OSBP: variants seen among roughly 807,000 people sequenced by gnomAD.
OSBP encodes oxysterol-binding protein 1.
A neutral mutation model predicts 96.6 loss-of-function variants in OSBP; 32 were observed. That is an observed-to-expected ratio of 0.33 (90% CI 0.25 to 0.45). The LOEUF (loss-of-function observed/expected upper bound fraction) is 0.45, where lower values mean the gene tolerates loss of function less well. Among genes scored for constraint, OSBP ranks in the 20% least tolerant of loss-of-function variants. The pLI, the probability that OSBP is intolerant of heterozygous loss-of-function variation, is 1.00. For missense variants in OSBP, 653 were observed against 1,029.7 expected (o/e 0.63, Z 5.01); for synonymous variants, 369 against 389.6 (o/e 0.95, Z 0.62).
At chr11:59,601,115 C>CG (rs1860718768) in intron 5 of OSBP, among the ~76,000 whole-genome samples, 168 bp downstream of exon 5, 1 of 113,876 alleles carries the variant, frequency 8.8e-6, no homozygotes, top group East Asian at 2.7e-4. Flanking sequence ...GATCTTGAGA[C>CG]AAAAAAAAAA....
At chr11:59,584,341 G>C (rs1319251148) in intron 9 of OSBP, among the ~76,000 whole-genome samples, 1 of 152,110 alleles carries the variant, frequency 6.6e-6, no homozygotes, top group African/African-American at 2.4e-5. Flanking sequence ...AAAACCCAAA[G>C]CTACAGACCA....
chr11:59,587,488 C>A (rs768924953), intron 9 of OSBP, among the ~76,000 whole-genome samples: 1 of 148,214 alleles, frequency 6.7e-6, no homozygotes, highest in Non-Finnish European at 1.5e-5. Context: ...GATGACAGTG[C>A]GAGACTCCAT....
intron 2 of OSBP, among the ~76,000 whole-genome samples, chr11:59,609,178 C>T (rs1169971269): frequency 6.6e-6 from 1 of 152,128 alleles, no homozygotes; most frequent in Non-Finnish European, 1.5e-5. Context: ...TTTGCAACTC[C>T]ACTATCATCT....
intron 11 of OSBP, among the ~76,000 whole-genome samples, chr11:59,579,244 T>TC (rs147978730): frequency 0.027 from 4,141 of 152,066 alleles, 184 homozygotes; most frequent in African/African-American, 0.094. Flanking sequence ...ATCACACAAC[T>TC]CCCCCTCAAA....
chr11:59,607,491 G>T (rs1860794740), intron 3 of OSBP, among the ~76,000 whole-genome samples: 1 of 152,090 alleles, frequency 6.6e-6, no homozygotes, highest in African/African-American at 2.4e-5. Context: ...AAGTAAGAAA[G>T]GGGTTAAATG....
At position 59,594,046 on chromosome 11, in the gene OSBP, T is replaced by C; in HGVS notation, c.1521A>G (p.Arg507=). 1.9e-6 allele frequency: 3 copies of C among 1,614,112 alleles called. No homozygotes were observed. Among genetic ancestry groups the C allele is most frequent in the Non-Finnish European group, 2.5e-6 (3 of 1,180,010 alleles). ...GGGATCGGTACCCATTCTCCTCTAA[T>C]CGGTCCAGCTCAAAGGTCTCCCCAA... ...PLLGETFELD[R]LEENGYRSLC... Residue 507 remains arginine (R), a synonymous_variant, in exon 8 of 14, where the codon CGA becomes CGG. Coordinates refer to ENST00000263847, the MANE Select transcript of OSBP (RefSeq NM_002556.3).
chr11:59,576,926 G>C lies in OSBP; in HGVS notation c.2160C>G (p.Asp720Glu). ...AGCGTCCATTTTCCATCAGTCTCTG[G>C]TCAGGTCGTAACCGGCTGTCTGTGG... is the stretch of plus-strand genomic sequence containing the variant. ...TAPTDSRLRPDQRLMENGRWD... is the reference protein window; with the variant it reads ...TAPTDSRLRPEQRLMENGRWD... Residue 720 changes from aspartate (D) to glutamate (E), a missense_variant, in exon 13 of 14, where the codon GAC becomes GAG. Asp to Glu is a conservative substitution (Grantham distance 45). Coordinates refer to ENST00000263847, the MANE Select transcript of OSBP (RefSeq NM_002556.3). 6.2e-7 allele frequency: 1 copy of C among 1,614,148 alleles called. No individual in the cohort carries two copies. Among genetic ancestry groups the C allele is most frequent in the Non-Finnish European group, 8.5e-7 (1 of 1,180,046 alleles).
chr11:59,611,135 C>CAAAAAA (rs35074206), intron 1 of OSBP, among the ~76,000 whole-genome samples: 1 of 60,076 alleles, frequency 1.7e-5, no homozygotes, highest in African/African-American at 4.9e-5. Flanking sequence ...AACTCCGTCT[C>CAAAAAA]AAAAAAAAAA....
rs139081696 is a variant in OSBP at position 59,595,944 on chromosome 11, AAAATAAATAAAT to A, written c.1312-1701_1312-1690del. Among the ~76,000 whole-genome samples, 1,340 of 138,544 alleles carry A rather than the reference AAAATAAATAAAT, an allele frequency of 9.7e-3. 13 individuals are homozygous for A. Among genetic ancestry groups the A allele is most frequent in the African/African-American group, 0.017 (623 of 36,682 alleles). 90.9% of individuals were successfully genotyped at this position (138,544 alleles called of 152,430 possible). ...GGGCAACAGAGCGAGACTCTGTCTA[AAAATAAATAAAT>A]AAATAAATAAATAAATAAATAAATA... On this transcript the variant is annotated intron_variant, in intron 7 of 13. Coordinates refer to ENST00000263847, the MANE Select transcript of OSBP (RefSeq NM_002556.3).
chr11:59,584,700 A>C (rs934085910), intron 9 of OSBP, among the ~76,000 whole-genome samples: 4 of 152,222 alleles, frequency 2.6e-5, no homozygotes, highest in Non-Finnish European at 5.9e-5. Flanking sequence ...CAATGGTGAA[A>C]CACTTAAAGA....
At chr11:59,583,527 T>G (rs1239514449) in intron 9 of OSBP, among the ~76,000 whole-genome samples, 1 of 152,204 alleles carries the variant, frequency 6.6e-6, no homozygotes, top group South Asian at 2.1e-4. Flanking sequence ...CTGAGAACAC[T>G]TGCTGTGTAC....
Position 59,601,402 on chromosome 11 carries a change from C to T in OSBP, c.1022-17G>A, listed in dbSNP as rs756682222. 1.2e-4 allele frequency: 183 copies of T among 1,566,638 alleles called. No homozygotes were observed. Among genetic ancestry groups the T allele is most frequent in the Middle Eastern group, 1.7e-4 (1 of 6,000 alleles). ...AGCACTGATCTACAAGAAGAAAAGC[C>T]CCATTTGTTGACTTTGGTTATCTTT... On this transcript the variant is annotated splice_polypyrimidine_tract_variant and intron_variant, in intron 4 of 13. Coordinates refer to ENST00000263847, the MANE Select transcript of OSBP (RefSeq NM_002556.3).
chr11:59,608,116 AAAAT>A lies in OSBP; in HGVS notation c.822+364_822+367del, dbSNP rs201566556. ...TAGTTCCAACAGATGAAATGAGACA[AAAAT>A]AAATAAATACATACATACATACATA... is the stretch of plus-strand genomic sequence containing the variant. On this transcript the variant is annotated intron_variant, in intron 3 of 13. Transcript: ENST00000263847. Among the ~76,000 whole-genome samples the A allele has an allele frequency of 3.1e-3, 460 of 150,052 alleles. 11 individuals are homozygous for A. The East Asian group carries it at 0.071, about 23-fold the overall frequency.
chr11:59,584,843 G>C (rs1400454054), intron 9 of OSBP, among the ~76,000 whole-genome samples: 1 of 152,138 alleles, frequency 6.6e-6, no homozygotes, highest in African/African-American at 2.4e-5. Flanking sequence ...GAAAGAAAGA[G>C]ATAAAATTAT....
intron 11 of OSBP, among the ~76,000 whole-genome samples, chr11:59,578,612 G>C (rs1375428100): frequency 2.6e-5 from 4 of 152,194 alleles, no homozygotes; most frequent in African/African-American, 9.6e-5. Flanking sequence ...ACCATATCTG[G>C]CTAAGTCTTT....
rs765286860 is a variant in OSBP, at chr11:59,580,230, T to C, written c.1822A>G (p.Lys608Glu). 6.2e-7 allele frequency: 1 copy of C among 1,613,428 alleles called. No homozygotes were observed. Among genetic ancestry groups the C allele is most frequent in the Admixed American group, 1.7e-5 (1 of 60,016 alleles). The change falls in exon 11 of 14, where the codon AAG becomes GAG. Residue 608 changes from lysine (K) to glutamate (E), a missense_variant. By Grantham distance (56) the Lys-to-Glu change is moderately conservative. Transcript: ENST00000263847. ...IDIVNHKTGD[K>E]CNLKFVPYSY... ...TAAGGAACAAATTTAAGATTACACT[T>C]GTCTCCTGTCTTGTGATTCACAATA...
In OSBP at chr11:59,615,627, C is replaced by T. The variant is rs1860918458; in HGVS notation, c.38G>A (p.Gly13Asp). The change falls in exon 1 of 14, where the codon GGC (glycine) becomes GAC (aspartate). Residue 13 changes from glycine to aspartate, a missense_variant. Coordinates refer to ENST00000263847, the MANE Select transcript of OSBP (RefSeq NM_002556.3). The part of the protein sequence containing the change: ...ATELRGVVGP[G>D]PAAIAALGGG... ...GCCAAGTGCTGCAATGGCTGCCGGG[C>T]CTGGCCCCACCACTCCTCTCAGCTC... 1.4e-6 allele frequency: 2 copies of T among 1,382,688 alleles called. No individual in the cohort carries two copies. The highest frequency in any genetic ancestry group is 1.9e-6 in the Non-Finnish European group (2 of 1,066,636). 85.7% of individuals were successfully genotyped at this position (1,382,688 alleles called of 1,614,324 possible).
intron 11 of OSBP, 35 bp downstream of exon 11, chr11:59,580,139 C>G (rs770860725): frequency 7.4e-6 from 10 of 1,347,530 alleles, no homozygotes; most frequent in Non-Finnish European, 9.6e-6. Flanking sequence ...GAGATACATG[C>G]TACGTGAAAC....
rs1343891771 is a variant in OSBP, at chr11:59,578,385, A to C, written c.1879-55T>G. On this transcript the variant is annotated intron_variant, in intron 11 of 13. Coordinates refer to ENST00000263847, the MANE Select transcript of OSBP (RefSeq NM_002556.3). ...TATAGAATTCACTGTGAATTAGCTT[A>C]CCTGACTATACTGGAAGTCCTAGGA... The C allele has an allele frequency of 2.0e-5, 30 of 1,523,518 alleles. 1 individual carries two copies. The South Asian group carries it at 3.4e-4, about 17-fold the overall frequency. 94.4% of individuals were successfully genotyped at this position (1,523,518 alleles called of 1,614,324 possible).
Sources: gnomAD v4.1 joint callset for allele counts (sites outside exome capture counted in the v4.1 genomes callset) on GRCh38, gnomAD v4.1.1 for gene constraint, MANE v1.5 for transcripts, NCBI Gene and HGNC (gene_info 2026-07-23, HGNC 2026-07-21) for gene names.